The following OTULIN variants were observed in gnomAD, a reference collection of about 807,000 sequenced individuals.
OTULIN encodes ubiquitin thioesterase otulin.
OTULIN carries 15 observed loss-of-function variants against 39.6 expected under a neutral mutation model. That is an observed-to-expected ratio of 0.38 (90% CI 0.25 to 0.58). The LOEUF is 0.58. Among genes scored for constraint, OTULIN ranks in the 20% least tolerant of loss-of-function variants. The pLI is 0.66. For missense variants in OTULIN, 319 were observed against 445.9 expected, an observed-to-expected ratio of 0.72 and a Z score of 2.56; for synonymous variants, 156 against 170.3, an observed-to-expected ratio of 0.92 and a Z score of 0.65.
At chr5:14,686,392 C>A (rs1253634900) in intron 4 of OTULIN, among the ~76,000 whole-genome samples, 1 of 152,096 alleles carries the variant, frequency 6.6e-6, no homozygotes, top group Non-Finnish European at 1.5e-5. Context: ...CCTCAAACTC[C>A]CGGGCTCAAG....
intron 5 of OTULIN, among the ~76,000 whole-genome samples, chr5:14,688,212 C>T (rs188778104): frequency 1.8e-4 from 27 of 152,160 alleles, no homozygotes; most frequent in African/African-American, 6.5e-4. Flanking sequence ...CCACTGTCTC[C>T]TCTGGGTTGG....
chr5:14,681,709 T>C (rs1646313294), intron 4 of OTULIN, 102 bp downstream of exon 4: 2 of 1,321,620 alleles, frequency 1.5e-6, no homozygotes, highest in East Asian at 2.6e-5. Flanking sequence ...GTCTGCAGTA[T>C]GATGTCAGCA....
At chr5:14,678,218 C>G (rs1736154621) in intron 2 of OTULIN, among the ~76,000 whole-genome samples, 1 of 152,222 alleles carries the variant, frequency 6.6e-6, no homozygotes, top group Non-Finnish European at 1.5e-5. Flanking sequence ...GGGAGCAGCT[C>G]TGCAGGTGCG....
At chr5:14,680,993 G>A (rs928664653) in intron 3 of OTULIN, among the ~76,000 whole-genome samples, 6 of 152,170 alleles carry the variant, frequency 3.9e-5, no homozygotes, top group South Asian at 2.1e-4. Flanking sequence ...CCGGGAGGCC[G>A]AGGTTGCAGT....
rs201095893 is a variant in OTULIN, at chr5:14,693,077, C to A, written c.*29C>A. 3 of 1,562,656 alleles carry A rather than the reference C, an allele frequency of 1.9e-6. No individual in the cohort carries two copies. Among genetic ancestry groups the A allele is most frequent in the Non-Finnish European group, 2.6e-6 (3 of 1,149,174 alleles). ...ACGCATGCTCCTGACAGCCTGGCGA[C>A]GTGGCGAAGATGCACAGGTGGCTCC... is the stretch of plus-strand genomic sequence containing the variant. On this transcript the variant is annotated 3_prime_UTR_variant, in exon 7 of 7. Coordinates refer to ENST00000284274, the MANE Select transcript of OTULIN (RefSeq NM_138348.6).
chr5:14,710,907 G>A, the OTULIN span: 12 of 409,812 alleles, frequency 2.9e-5, no homozygotes, highest in East Asian at 5.8e-5. Context: ...AGGACACAAC[G>A]TCAACCGTGA....
chr5:14,675,326 G>A (rs1490723907), intron 2 of OTULIN, among the ~76,000 whole-genome samples: 2 of 152,218 alleles, frequency 1.3e-5, no homozygotes, highest in African/African-American at 4.8e-5. Context: ...ATTGTCATGT[G>A]TGATTAGGAA....
downstream of OTULIN, among the ~76,000 whole-genome samples, chr5:14,700,873 TG>T (rs1283180228): frequency 1.3e-5 from 2 of 152,158 alleles, no homozygotes; most frequent in Non-Finnish European, 1.5e-5. Context: ...TTGAGCACTC[TG>T]GGGTAATAGA....
At chr5:14,708,997 A>G in the OTULIN span, 61 of 152,156 alleles carry the variant, frequency 4.0e-4, no homozygotes, top group African/African-American at 1.4e-3. Context: ...GGATCAAGCA[A>G]ATTCTCCTGC....
Position 14,690,327 on chromosome 5 carries a change from C to G in OTULIN, c.864+19C>G. ...TGAACAGGTAAGTTGTGCTTTTGAG[C>G]ATGTATTACCCCAAAATAAAGCAGC... On this transcript the variant is annotated intron_variant, in intron 6 of 6. Transcript: ENST00000284274. The surrounding 1 kb of genome is among the most constrained non-coding windows in gnomAD (Gnocchi z 4.5). 1 of 1,608,040 alleles carries G rather than the reference C, an allele frequency of 6.2e-7. No homozygotes were observed. Among genetic ancestry groups the G allele is most frequent in the Non-Finnish European group, 8.5e-7 (1 of 1,176,918 alleles).
At chr5:14,687,954 A>C (rs1736427140) in intron 5 of OTULIN, 1 of 183,634 alleles carries the variant, frequency 5.4e-6, no homozygotes, top group African/African-American at 2.3e-5. Flanking sequence ...TTTCAAGAAT[A>C]TAATTTGGTT....
chr5:14,687,179 A>G (rs1736407118), intron 4 of OTULIN, among the ~76,000 whole-genome samples: 1 of 152,136 alleles, frequency 6.6e-6, no homozygotes. Context: ...GAGAGGCTGC[A>G]GTGAGTCCCA....
the OTULIN span, chr5:14,710,888 C>T: frequency 2.6e-6 from 1 of 389,392 alleles, no homozygotes; most frequent in South Asian, 2.2e-5. Context: ...GGAGATTGTC[C>T]AGGGGAGGAG....
Position 14,665,639 on chromosome 5 carries a change from C to A in OTULIN, c.152+662C>A, listed in dbSNP as rs548659988. ...CTCGAGTGAAACTTTTCTACACTTT[C>A]AAGTTTTAGGCACCTATAAATGCCC... On this transcript the variant is annotated intron_variant, in intron 1 of 6. Transcript: ENST00000284274. Among the ~76,000 whole-genome samples, 7 of 152,236 alleles carry A rather than the reference C, an allele frequency of 4.6e-5. No homozygotes were observed. In the East Asian group the frequency reaches 9.6e-4, roughly 21 times the overall value.
chr5:14,664,851 C>G lies in OTULIN; in HGVS notation c.26C>G (p.Pro9Arg). 8.2e-7 allele frequency: 1 copy of G among 1,213,832 alleles called. No homozygotes were observed. Among genetic ancestry groups the G allele is most frequent in the Non-Finnish European group, 1.0e-6 (1 of 975,440 alleles). 75.2% of individuals were successfully genotyped at this position (1,213,832 alleles called of 1,614,324 possible). A position where few individuals can be genotyped will look rare whatever the true frequency, so the allele number is the denominator to read the frequency against. The change falls in exon 1 of 7, where the codon CCC becomes CGC. Residue 9 changes from proline (P) to arginine (R), a missense_variant. Pro to Arg is a moderately radical substitution (Grantham distance 103). Transcript: ENST00000284274. Reference sequence around the variant, plus strand: ...ATGAGTCGGGGGACTATGCCCCAGCCCGAAGCGTGGCCAGGCGCGAGCTGC... The same window carrying G: ...ATGAGTCGGGGGACTATGCCCCAGCGCGAAGCGTGGCCAGGCGCGAGCTGC... The part of the protein sequence containing the change: MSRGTMPQ[P>R]EAWPGASCAE...
the OTULIN span, chr5:14,704,991 C>T: frequency 6.6e-6 from 1 of 152,152 alleles, no homozygotes; most frequent in African/African-American, 2.4e-5. Context: ...TTTATACTGA[C>T]CGCTGTAGTC....
chr5:14,665,210 T>C (rs1312976293), intron 1 of OTULIN, among the ~76,000 whole-genome samples: 1 of 152,246 alleles, frequency 6.6e-6, no homozygotes, highest in African/African-American at 2.4e-5. Flanking sequence ...TCTCGTCTCA[T>C]TTTTGATATC....
chr5:14,693,082 C>G lies in OTULIN; in HGVS notation c.*34C>G. 1 of 1,552,220 alleles carries G rather than the reference C, an allele frequency of 6.4e-7. No individual in the cohort carries two copies. Among genetic ancestry groups the G allele is most frequent in the Non-Finnish European group, 8.8e-7 (1 of 1,142,836 alleles). ...TGCTCCTGACAGCCTGGCGACGTGG[C>G]GAAGATGCACAGGTGGCTCCTGGGC... On this transcript the variant is annotated 3_prime_UTR_variant, in exon 7 of 7. Transcript: ENST00000284274.
chr5:14,712,037 C>T, the OTULIN span, among the ~76,000 whole-genome samples: 1 of 152,236 alleles, frequency 6.6e-6, no homozygotes, highest in Non-Finnish European at 1.5e-5. Context: ...CCTCAGCTTA[C>T]ATGACATGCT....
Sources: allele counts gnomAD v4.1 joint callset (sites outside exome capture counted in the v4.1 genomes callset), GRCh38; gene constraint gnomAD v4.1.1; non-coding constraint Gnocchi (gnomAD v3.1); transcripts MANE v1.5; gene names NCBI Gene and HGNC (gene_info 2026-07-23, HGNC 2026-07-21).